NAALADL2: variants seen among roughly 807,000 people sequenced by gnomAD.
NAALADL2 encodes N-acetylated alpha-linked acidic dipeptidase like 2.
Under a neutral mutation model 87.2 loss-of-function variants are expected in NAALADL2, and 76 were observed. The ratio of observed to expected loss-of-function variants is 0.87; its 90% CI spans 0.72 to 1.05. The LOEUF (loss-of-function observed/expected upper bound fraction) is 1.05, where lower values mean the gene tolerates loss of function less well. NAALADL2 is among the 50% of genes least tolerant of loss of function. The pLI is 0.00. For synonymous variants in NAALADL2, 354 were observed against 331.0 expected, an observed-to-expected ratio of 1.07 and a Z score of -0.75; for missense variants, 1,089 against 945.8, an observed-to-expected ratio of 1.15 and a Z score of -1.99.
intron 4 of NAALADL2, among the ~76,000 whole-genome samples, chr3:175,283,488 G>A (rs760588774): frequency 4.6e-5 from 7 of 152,014 alleles, no homozygotes; most frequent in Non-Finnish European, 7.4e-5. Context: ...TCTTCCTTCT[G>A]TTGGGGAAAC....
At chr3:174,882,542 C>A (rs571444708) in intron 1 of NAALADL2, among the ~76,000 whole-genome samples, 176 of 145,256 alleles carry the variant, frequency 1.2e-3, no homozygotes, top group Middle Eastern at 7.9e-3. Flanking sequence ...TATGCATACA[C>A]ACATATGTAC....
At chr3:174,994,298 G>A (rs765782156) in intron 1 of NAALADL2, among the ~76,000 whole-genome samples, 1 of 152,162 alleles carries the variant, frequency 6.6e-6, no homozygotes, top group Non-Finnish European at 1.5e-5. Context: ...GTGTGGCAGA[G>A]GGATGTGAGG....
At chr3:174,484,101 G>A (rs566807375) in intron 1 of NAALADL2, among the ~76,000 whole-genome samples, 13 of 151,826 alleles carry the variant, frequency 8.6e-5, no homozygotes, top group Non-Finnish European at 1.8e-4. Flanking sequence ...ATGAGATGAC[G>A]GATTTAATGT....
intron 3 of NAALADL2, among the ~76,000 whole-genome samples, chr3:174,819,055 A>ATTTTT (rs1443066755): frequency 1.9e-5 from 1 of 51,800 alleles, no homozygotes; most frequent in Non-Finnish European, 4.2e-5. Context: ...TATACCATTT[A>ATTTTT]TTCTTTTTTT....
In NAALADL2 at chr3:175,518,944, G is replaced by T. The variant is rs535032331; in HGVS notation, c.1653+47186G>T. On this transcript the variant is annotated intron_variant, in intron 9 of 13. Transcript: ENST00000454872. ...AGAATAAAGACCCAAAGATACAGGG[G>T]TAATTATTCATGTTTATGCTTAGGT... Among the ~76,000 whole-genome samples the T allele has an allele frequency of 2.0e-5, 3 of 152,312 alleles. No individual in the cohort carries two copies. The East Asian group carries it at 5.8e-4, about 29-fold the overall frequency.
intron 1 of NAALADL2, among the ~76,000 whole-genome samples, chr3:175,090,847 C>T (rs1473849979): frequency 9.2e-6 from 1 of 108,352 alleles, no homozygotes; most frequent in Non-Finnish European, 1.8e-5. Flanking sequence ...ATTAGTGAAG[C>T]ATGAGCAACA....
intron 9 of NAALADL2, among the ~76,000 whole-genome samples, chr3:175,524,686 T>C (rs1582249706): frequency 1.3e-5 from 2 of 152,258 alleles, no homozygotes; most frequent in South Asian, 2.1e-4. Context: ...ATTCCCTTTA[T>C]TCTACCAAAA....
At chr3:174,781,514 G>A (rs916644110) in intron 3 of NAALADL2, among the ~76,000 whole-genome samples, 3 of 151,712 alleles carry the variant, frequency 2.0e-5, no homozygotes, top group African/African-American at 7.3e-5. Flanking sequence ...ACACTGATTA[G>A]CAAGACAATA....
chr3:174,998,543 G>A lies in NAALADL2; in HGVS notation c.44-98247G>A, dbSNP rs189771277. On this transcript the variant is annotated intron_variant, in intron 1 of 13. Transcript: ENST00000454872. ...CCTCCATCACTAAATTTTGGGGCAG[G>A]TCAATAGAACCTTAATCATAACCTT... Among the ~76,000 whole-genome samples the A allele has an allele frequency of 4.3e-4, 66 of 152,260 alleles. 1 individual carries two copies. Among genetic ancestry groups the A allele is most frequent in the Admixed American group, 4.3e-3 (66 of 15,284 alleles).
chr3:174,479,429 A>C (rs530778732), intron 1 of NAALADL2, among the ~76,000 whole-genome samples: 2 of 152,288 alleles, frequency 1.3e-5, no homozygotes, highest in Non-Finnish European at 2.9e-5. Flanking sequence ...GGGGTTGAGT[A>C]CATTTACTGA....
At chr3:174,851,787 C>T (rs939566739) in intron 3 of NAALADL2, among the ~76,000 whole-genome samples, 5 of 152,038 alleles carry the variant, frequency 3.3e-5, no homozygotes, top group Non-Finnish European at 5.9e-5. Flanking sequence ...CAGATAAGTA[C>T]ATGCTACTAT....
chr3:175,740,570 T>C (rs1242960383), intron 12 of NAALADL2, among the ~76,000 whole-genome samples: 1 of 152,212 alleles, frequency 6.6e-6, no homozygotes, highest in African/African-American at 2.4e-5. Flanking sequence ...AATATCACAA[T>C]ATCTTGAGAA....
intron 10 of NAALADL2, among the ~76,000 whole-genome samples, chr3:175,585,311 A>T (rs1720391456): frequency 6.6e-6 from 1 of 152,158 alleles, no homozygotes; most frequent in African/African-American, 2.4e-5. Context: ...TATGCCATCC[A>T]TCATTGACCA....
chr3:174,550,109 T>C (rs1279030049), intron 1 of NAALADL2, among the ~76,000 whole-genome samples: 2 of 152,130 alleles, frequency 1.3e-5, no homozygotes, highest in Non-Finnish European at 2.9e-5. Flanking sequence ...TTCAGATTGG[T>C]TAAATGTTAA....
chr3:174,515,661 T>C (rs1423037328), intron 1 of NAALADL2, among the ~76,000 whole-genome samples: 1 of 149,536 alleles, frequency 6.7e-6, no homozygotes, highest in Non-Finnish European at 1.5e-5. Context: ...TTAGGAAAAG[T>C]AGTTGAAATC....
chr3:175,397,445 A>G (rs1225405189), intron 5 of NAALADL2: 2 of 152,158 alleles, frequency 1.3e-5, no homozygotes, highest in Admixed American at 6.6e-5. Context: ...CCCACAATCC[A>G]TAGCCAAACA....
chr3:174,888,818 G>A (rs73045486), intron 1 of NAALADL2, among the ~76,000 whole-genome samples: 18,772 of 152,046 alleles, frequency 0.12, 1,515 homozygotes, highest in African/African-American at 0.22. Context: ...TTACCATATC[G>A]GCATAAACAT....
At chr3:175,553,088 A>G (rs1714692970) in intron 9 of NAALADL2, among the ~76,000 whole-genome samples, 1 of 152,110 alleles carries the variant, frequency 6.6e-6, no homozygotes, top group African/African-American at 2.4e-5. Flanking sequence ...TTAAATATCC[A>G]TGTTTATGCT....
At chr3:175,172,522 GAATAT>G (rs71709129) in intron 2 of NAALADL2, among the ~76,000 whole-genome samples, 2,743 of 152,150 alleles carry the variant, frequency 0.018, 78 homozygotes, top group African/African-American at 0.063. Context: ...ATAAATATCT[GAATAT>G]AATATGTCAC....
Sources: gnomAD v4.1 joint callset for allele counts (sites outside exome capture counted in the v4.1 genomes callset) on GRCh38, gnomAD v4.1.1 for gene constraint, MANE v1.5 for transcripts, NCBI Gene and HGNC (gene_info 2026-07-23, HGNC 2026-07-21) for gene names.